The following FLT1 variants were observed in gnomAD, a reference collection of about 807,000 sequenced individuals.
FLT1 encodes vascular endothelial growth factor receptor 1.
In FLT1, 49 loss-of-function variants were observed where a neutral mutation model predicts 156.3. The observed-to-expected ratio is 0.31, with a 90% CI of 0.25 to 0.40. The LOEUF is 0.40. FLT1 is among the 10% of genes least tolerant of loss of function. FLT1 has a pLI of 1.00. For missense variants in FLT1, 1,322 were observed against 1,637.2 expected, an observed-to-expected ratio of 0.81 and a Z score of 3.32; for synonymous variants, 594 against 583.8, an observed-to-expected ratio of 1.02 and a Z score of -0.25.
intron 14 of FLT1, among the ~76,000 whole-genome samples, chr13:28,382,327 T>C (rs904119038): frequency 2.6e-5 from 4 of 152,200 alleles, no homozygotes; most frequent in African/African-American, 9.6e-5. Flanking sequence ...TTAAACAGCA[T>C]AATGTCTGCA....
intron 14 of FLT1, among the ~76,000 whole-genome samples, chr13:28,379,881 GTAGGCATTTTA>G (rs1159889285): frequency 6.6e-6 from 1 of 152,180 alleles, no homozygotes; most frequent in Non-Finnish European, 1.5e-5. Flanking sequence ...ACTACCCCAA[GTAGGCATTTTA>G]TAGGCGCTTG....
At chr13:28,345,419 G>A (rs779997027) in intron 16 of FLT1, 26 bp downstream of exon 16, 1 of 1,375,308 alleles carries the variant, frequency 7.3e-7, no homozygotes, top group Non-Finnish European at 1.0e-6. Context: ...GTAAAAAGGA[G>A]CATAGAACAT....
At chr13:28,330,608 CAT>C (rs1188125632) in intron 18 of FLT1, among the ~76,000 whole-genome samples, 2 of 139,022 alleles carry the variant, frequency 1.4e-5, no homozygotes, top group Admixed American at 7.3e-5. Flanking sequence ...ATATATATAT[CAT>C]ATATATATGA....
intron 1 of FLT1, among the ~76,000 whole-genome samples, chr13:28,471,398 T>A (rs1370699672): frequency 6.6e-6 from 1 of 152,234 alleles, no homozygotes; most frequent in Non-Finnish European, 1.5e-5. Flanking sequence ...ATTTCTTGAA[T>A]GTTTTGAATT....
intron 14 of FLT1, among the ~76,000 whole-genome samples, chr13:28,363,164 C>A (rs1873172731): frequency 1.3e-5 from 2 of 152,174 alleles, no homozygotes; most frequent in Non-Finnish European, 2.9e-5. Flanking sequence ...TCGTAGGATA[C>A]AGGCTCTGTT....
chr13:28,451,195 GGAGGA>G (rs1878913832), intron 3 of FLT1, among the ~76,000 whole-genome samples: 1 of 152,218 alleles, frequency 6.6e-6, no homozygotes, highest in East Asian at 1.9e-4. Context: ...GGCCGAGGTG[GGAGGA>G]CTGCCTGAGC....
chr13:28,453,157 C>G (rs191005174), intron 3 of FLT1, among the ~76,000 whole-genome samples: 6 of 142,198 alleles, frequency 4.2e-5, no homozygotes, highest in Non-Finnish European at 7.6e-5. Context: ...GAGTTTCACT[C>G]TTGTTGCCCA....
intron 1 of FLT1, among the ~76,000 whole-genome samples, chr13:28,471,779 T>A (rs1272160348): frequency 6.6e-6 from 1 of 152,192 alleles, no homozygotes; most frequent in Non-Finnish European, 1.5e-5. Context: ...ATGATTTTTG[T>A]CCTCCCAATA....
chr13:28,426,523 C>T (rs951018110), intron 10 of FLT1, among the ~76,000 whole-genome samples: 1 of 152,124 alleles, frequency 6.6e-6, no homozygotes, highest in Non-Finnish European at 1.5e-5. Flanking sequence ...CAAACCTTTG[C>T]GCATCGAGTG....
intron 14 of FLT1, among the ~76,000 whole-genome samples, chr13:28,371,711 T>G (rs1873576039): frequency 6.6e-6 from 1 of 152,152 alleles, no homozygotes; most frequent in Non-Finnish European, 1.5e-5. Context: ...ATGAACCTTC[T>G]ATCCATGAAA....
intron 11 of FLT1, among the ~76,000 whole-genome samples, chr13:28,400,792 A>G (rs1469103374): frequency 6.6e-6 from 1 of 152,248 alleles, no homozygotes; most frequent in Non-Finnish European, 1.5e-5. Flanking sequence ...AATTATAATC[A>G]TTTATTCTAT....
chr13:28,356,464 C>G (rs1052124001), intron 15 of FLT1, among the ~76,000 whole-genome samples: 3 of 152,134 alleles, frequency 2.0e-5, no homozygotes, highest in African/African-American at 7.2e-5. Flanking sequence ...GGAGACAAAA[C>G]CATTACTAAA....
At chr13:28,414,806 G>C (rs1189925773) in intron 10 of FLT1, among the ~76,000 whole-genome samples, 1 of 151,496 alleles carries the variant, frequency 6.6e-6, no homozygotes, top group African/African-American at 2.4e-5. Context: ...TCACACATCA[G>C]ATGTCAACCC....
intron 27 of FLT1, among the ~76,000 whole-genome samples, chr13:28,310,279 CAA>C: frequency 6.6e-6 from 1 of 152,204 alleles, no homozygotes; most frequent in African/African-American, 2.4e-5. Context: ...GTGCCTACTG[CAA>C]AGAGAGATGC....
chr13:28,318,829 G>C (rs1475046827), intron 24 of FLT1, among the ~76,000 whole-genome samples: 2 of 152,174 alleles, frequency 1.3e-5, no homozygotes, highest in Non-Finnish European at 2.9e-5. Flanking sequence ...ACGCATCTGT[G>C]TGCTTTGAAC....
At chr13:28,399,337 G>T (rs1875280048) in intron 11 of FLT1, among the ~76,000 whole-genome samples, 1 of 152,174 alleles carries the variant, frequency 6.6e-6, no homozygotes, top group Non-Finnish European at 1.5e-5. Context: ...TAGATTCTCA[G>T]ATTAATTGTT....
At chr13:28,405,384 T>C (rs923126545) in intron 11 of FLT1, among the ~76,000 whole-genome samples, 4 of 152,196 alleles carry the variant, frequency 2.6e-5, no homozygotes, top group South Asian at 2.1e-4. Flanking sequence ...TCCCACTTTA[T>C]GTACATCAGT....
intron 25 of FLT1, 76 bp downstream of exon 25, chr13:28,317,422 T>C: frequency 1.1e-6 from 1 of 943,152 alleles, no homozygotes; most frequent in Non-Finnish European, 1.8e-6. Context: ...TAAGAATCCA[T>C]AAAACATCCC....
chr13:28,306,120 C>G (rs1315503461), intron 29 of FLT1, among the ~76,000 whole-genome samples: 1 of 152,158 alleles, frequency 6.6e-6, no homozygotes, highest in African/African-American at 2.4e-5. Context: ...GTGCATAAGG[C>G]AAGGACTCCC....
Sources: allele counts gnomAD v4.1 joint callset (sites outside exome capture counted in the v4.1 genomes callset), GRCh38; gene constraint gnomAD v4.1.1; transcripts MANE v1.5; gene names NCBI Gene and HGNC (gene_info 2026-07-23, HGNC 2026-07-21).